Variants in SSBP2 observed in about 807,000 individuals in gnomAD.
The protein encoded by SSBP2 is single-stranded DNA-binding protein 2.
SSBP2 carries 17 observed loss-of-function variants against 61.8 expected under a neutral mutation model. The ratio of observed to expected loss-of-function variants is 0.28; its 90% confidence interval spans 0.19 to 0.41. The LOEUF (loss-of-function observed/expected upper bound fraction) is 0.41, where lower values mean the gene tolerates loss of function less well. Among genes scored for constraint, SSBP2 ranks in the 10% least tolerant of loss-of-function variants. The probability of loss-of-function intolerance (pLI) is 1.00; values close to 1 mark genes in which losing one functional copy is unlikely to be tolerated. For synonymous variants in SSBP2, 139 were observed against 141.3 expected, an observed-to-expected ratio of 0.98 and a Z score of 0.12; for missense variants, 310 against 458.7, an observed-to-expected ratio of 0.68 and a Z score of 2.96.
intron 10 of SSBP2, 26 bp from the exon 11 acceptor site, chr5:81,448,851 T>A (rs764266564): frequency 1.9e-6 from 3 of 1,601,348 alleles, no homozygotes; most frequent in Admixed American, 1.7e-5. Flanking sequence ...GACAAAAAAA[T>A]TTTTGATTCA....
intron 1 of SSBP2, among the ~76,000 whole-genome samples, chr5:81,651,907 A>G (rs778753455): frequency 6.6e-6 from 1 of 152,158 alleles, no homozygotes; most frequent in Non-Finnish European, 1.5e-5. Context: ...TATTTGTAAA[A>G]TCTTCTTGGA....
chr5:81,434,633 C>CAAAAAAAAAAAAAAAAAAAAA (rs34269591), intron 15 of SSBP2, among the ~76,000 whole-genome samples: 11 of 43,012 alleles, frequency 2.6e-4, no homozygotes, highest in Non-Finnish European at 4.5e-4. Context: ...ACTCTTGACT[C>CAAAAAAAAAAAAAAAAAAAAA]AAAAAAAAAA....
intron 4 of SSBP2, among the ~76,000 whole-genome samples, chr5:81,601,901 C>T (rs1272052876): frequency 1.3e-5 from 2 of 152,114 alleles, no homozygotes; most frequent in Non-Finnish European, 2.9e-5. Flanking sequence ...TTCAAAACAC[C>T]TAGTTATTCA....
At chr5:81,454,716 A>C (rs147574846) in intron 10 of SSBP2, among the ~76,000 whole-genome samples, 71 of 151,922 alleles carry the variant, frequency 4.7e-4, no homozygotes, top group African/African-American at 1.6e-3. Context: ...AAAAATAAAA[A>C]AGAGAGAGAG....
In SSBP2 at chr5:81,750,932, G is replaced by C. The variant is rs200952500; in HGVS notation, c.62+49C>G. 4 of 1,548,568 alleles carry C rather than the reference G, an allele frequency of 2.6e-6. No individual in the cohort carries two copies. The South Asian group carries it at 3.6e-5, about 14-fold the overall frequency. On this transcript the variant is annotated intron_variant, in intron 1 of 16. Transcript: ENST00000320672. ...CCAGAGTGTGCGAGTGCGTGCGTGA[G>C]TGTGCGCGCGTGTGAAGGCGGAGGT...
chr5:81,563,853 CA>C (rs1218719021), intron 4 of SSBP2, among the ~76,000 whole-genome samples: 4 of 151,898 alleles, frequency 2.6e-5, no homozygotes, highest in African/African-American at 9.7e-5. Context: ...GGACATGACA[CA>C]AAAAACACAG....
intron 10 of SSBP2, among the ~76,000 whole-genome samples, chr5:81,457,634 TC>T (rs1764251373): frequency 6.6e-6 from 1 of 152,068 alleles, no homozygotes; most frequent in Non-Finnish European, 1.5e-5. Flanking sequence ...ATCATGTGCC[TC>T]CTGAAATGAT....
intron 2 of SSBP2, among the ~76,000 whole-genome samples, chr5:81,645,318 G>C (rs913418418): frequency 2.0e-4 from 31 of 152,150 alleles, no homozygotes; most frequent in African/African-American, 7.0e-4. Context: ...AAGGCAAACA[G>C]AACAGAGTTT....
intron 1 of SSBP2, among the ~76,000 whole-genome samples, chr5:81,734,970 C>CAAAA (rs11350574): frequency 4.3e-5 from 3 of 70,520 alleles, no homozygotes; most frequent in East Asian, 3.7e-4. Flanking sequence ...GACTCCATCT[C>CAAAA]AAAAAAAAAA....
chr5:81,568,368 T>C (rs1296658043), intron 4 of SSBP2, among the ~76,000 whole-genome samples: 1 of 152,198 alleles, frequency 6.6e-6, no homozygotes, highest in Non-Finnish European at 1.5e-5. Flanking sequence ...CCTGCTGCCA[T>C]CCATGTAAGA....
At chr5:81,566,521 G>A (rs1486809823) in intron 4 of SSBP2, among the ~76,000 whole-genome samples, 3 of 152,146 alleles carry the variant, frequency 2.0e-5, no homozygotes, top group South Asian at 2.1e-4. Flanking sequence ...CCCCAGCTAC[G>A]TGTAAGTCCA....
At chr5:81,532,924 C>T (rs1394288400) in intron 4 of SSBP2, among the ~76,000 whole-genome samples, 2 of 151,836 alleles carry the variant, frequency 1.3e-5, no homozygotes, top group Non-Finnish European at 2.9e-5. Context: ...AAGAAATAGA[C>T]AAGTTTGCAA....
At chr5:81,649,406 A>T (rs895788130) in intron 2 of SSBP2, among the ~76,000 whole-genome samples, 1 of 152,124 alleles carries the variant, frequency 6.6e-6, no homozygotes, top group Non-Finnish European at 1.5e-5. Flanking sequence ...TTAGATGAAG[A>T]TGGGGTACAT....
chr5:81,556,191 T>G (rs1772585615), intron 4 of SSBP2, among the ~76,000 whole-genome samples: 1 of 152,118 alleles, frequency 6.6e-6, no homozygotes, highest in Non-Finnish European at 1.5e-5. Context: ...ATATTATCTT[T>G]ATATAGTGAC....
At chr5:81,577,151 A>G (rs1325414930) in intron 4 of SSBP2, among the ~76,000 whole-genome samples, 1 of 152,042 alleles carries the variant, frequency 6.6e-6, no homozygotes, top group South Asian at 2.1e-4. Context: ...GTGTGTAATC[A>G]ATGTGCAGAT....
intron 1 of SSBP2, among the ~76,000 whole-genome samples, chr5:81,715,300 T>C (rs1189908828): frequency 6.6e-6 from 1 of 152,004 alleles, no homozygotes; most frequent in East Asian, 1.9e-4. Flanking sequence ...AATAATGACC[T>C]AACAAAAAGG....
At chr5:81,744,908 T>A (rs1436465943) in intron 1 of SSBP2, among the ~76,000 whole-genome samples, 1 of 151,808 alleles carries the variant, frequency 6.6e-6, no homozygotes, top group African/African-American at 2.4e-5. Flanking sequence ...AGTTTGTCTT[T>A]AAAAAAAAGA....
intron 3 of SSBP2, among the ~76,000 whole-genome samples, chr5:81,622,434 A>G (rs981345522): frequency 2.6e-5 from 4 of 152,210 alleles, no homozygotes; most frequent in Non-Finnish European, 4.4e-5. Flanking sequence ...CAGGCACTGG[A>G]GCAGGACATA....
intron 4 of SSBP2, among the ~76,000 whole-genome samples, chr5:81,544,688 A>T (rs1771591718): frequency 6.6e-6 from 1 of 152,204 alleles, no homozygotes; most frequent in Non-Finnish European, 1.5e-5. Context: ...CAGAAAAATA[A>T]AAACAATAAT....
Sources: gnomAD v4.1 joint callset for allele counts (sites outside exome capture counted in the v4.1 genomes callset) on GRCh38, gnomAD v4.1.1 for gene constraint, MANE v1.5 for transcripts, NCBI Gene and HGNC (gene_info 2026-07-23, HGNC 2026-07-21) for gene names.